The following FAM171A1 variants were observed in gnomAD, a reference collection of about 807,000 sequenced individuals.
FAM171A1 encodes the protein protein FAM171A1.
Under a neutral mutation model 74.9 loss-of-function variants are expected in FAM171A1, and 23 were observed. That is an observed-to-expected ratio of 0.31 (90% CI 0.22 to 0.44). FAM171A1 has a LOEUF of 0.44. Among genes scored for constraint, FAM171A1 ranks in the 20% least tolerant of loss-of-function variants. The pLI, the probability that FAM171A1 is intolerant of heterozygous loss-of-function variation, is 1.00. For synonymous variants in FAM171A1, 527 were observed against 505.7 expected (o/e 1.04, Z -0.57); for missense variants, 1,162 against 1,159.2 (o/e 1.00, Z -0.03).
At chr10:15,254,481 T>C (rs898142680) in intron 4 of FAM171A1, among the ~76,000 whole-genome samples, 2 of 152,228 alleles carry the variant, frequency 1.3e-5, no homozygotes, top group African/African-American at 4.8e-5. Flanking sequence ...GAGAAGGTGC[T>C]TAAGGCAACT....
In FAM171A1 at chr10:15,263,464, T is replaced by A. The variant is rs1029322250; in HGVS notation, c.419-8585A>T. 2.6e-5 allele frequency among the ~76,000 whole-genome samples: 4 copies of A among 152,252 alleles called. No homozygotes were observed. The South Asian group carries it at 8.3e-4, about 31-fold the overall frequency. ...AATTTACGAGTGTTCTCTCTTTCCA[T>A]ACTCTTATCATCTCACAGACAAGTT... On this transcript the variant is annotated intron_variant, in intron 3 of 7. Transcript: ENST00000378116.
chr10:15,227,678 C>A (rs1170514431), intron 5 of FAM171A1, among the ~76,000 whole-genome samples: 1 of 152,188 alleles, frequency 6.6e-6, no homozygotes, highest in Non-Finnish European at 1.5e-5. Flanking sequence ...ACCATGCCCA[C>A]CTTGAAGTAT....
At chr10:15,229,915 T>C (rs113498003) in intron 5 of FAM171A1, among the ~76,000 whole-genome samples, 5,395 of 67,936 alleles carry the variant, frequency 0.079, 402 homozygotes, top group Middle Eastern at 0.11. Context: ...ATCACCACCA[T>C]CACCAACATC....
upstream of FAM171A1, among the ~76,000 whole-genome samples, chr10:15,373,426 C>T (rs1452886391): frequency 6.6e-6 from 1 of 152,236 alleles, no homozygotes; most frequent in Non-Finnish European, 1.5e-5. Context: ...CATTAAACAA[C>T]TTGCCCACAA....
chr10:15,326,935 C>T (rs2131853968), intron 1 of FAM171A1, among the ~76,000 whole-genome samples: 1 of 152,282 alleles, frequency 6.6e-6, no homozygotes, highest in African/African-American at 2.4e-5. Flanking sequence ...GGCTACAATT[C>T]TTGTTTTTGT....
intron 7 of FAM171A1, 115 bp from the exon 8 acceptor site, chr10:15,214,716 C>A: frequency 7.2e-7 from 1 of 1,379,896 alleles, no homozygotes; most frequent in African/African-American, 1.5e-5. Context: ...CAAAACAAAA[C>A]AAGTCAGGAG....
chr10:15,272,539 G>A (rs1834840033), intron 3 of FAM171A1, among the ~76,000 whole-genome samples: 1 of 152,086 alleles, frequency 6.6e-6, no homozygotes, highest in Non-Finnish European at 1.5e-5. Context: ...GCACCAAGCA[G>A]ACCTAATAGA....
chr10:15,243,660 C>A (rs1834391345), intron 5 of FAM171A1, among the ~76,000 whole-genome samples: 1 of 152,104 alleles, frequency 6.6e-6, no homozygotes, highest in Non-Finnish European at 1.5e-5. Flanking sequence ...AAAAAATAAA[C>A]AGCAGGGATG....
At chr10:15,267,482 A>T (rs1199977840) in intron 3 of FAM171A1, among the ~76,000 whole-genome samples, 1 of 151,970 alleles carries the variant, frequency 6.6e-6, no homozygotes, top group African/African-American at 2.4e-5. Context: ...ACGTGTGTGT[A>T]GTCCCAGCTA....
chr10:15,293,987 G>A (rs1212702598), intron 1 of FAM171A1, among the ~76,000 whole-genome samples: 1 of 152,168 alleles, frequency 6.6e-6, no homozygotes, highest in Non-Finnish European at 1.5e-5. Context: ...GCTCATTCTG[G>A]TTGGCAGAAT....
chr10:15,330,947 T>C (rs1835623172), intron 1 of FAM171A1, among the ~76,000 whole-genome samples: 1 of 151,958 alleles, frequency 6.6e-6, no homozygotes, highest in Non-Finnish European at 1.5e-5. Flanking sequence ...TGGAGTGTAG[T>C]GGCATGATCT....
intron 1 of FAM171A1, among the ~76,000 whole-genome samples, chr10:15,331,880 C>T (rs7477447): frequency 0.79 from 43,058 of 54,270 alleles, 17,175 homozygotes; most frequent in East Asian, 0.94. Context: ...TGTGTGTATA[C>T]ATATATATAT....
chr10:15,223,085 G>T (rs1834060272), intron 5 of FAM171A1, among the ~76,000 whole-genome samples: 1 of 152,192 alleles, frequency 6.6e-6, no homozygotes, highest in Non-Finnish European at 1.5e-5. Flanking sequence ...CACGCCTATA[G>T]TCCCAGCACT....
At chr10:15,258,333 TC>T (rs1473622390) in intron 3 of FAM171A1, among the ~76,000 whole-genome samples, 1 of 80,090 alleles carries the variant, frequency 1.2e-5, no homozygotes, top group Admixed American at 1.0e-4. Flanking sequence ...CTCTCTGCTT[TC>T]AAAAATCTGT....
intron 1 of FAM171A1, among the ~76,000 whole-genome samples, chr10:15,336,479 C>T (rs1835701164): frequency 6.6e-6 from 1 of 152,110 alleles, no homozygotes; most frequent in Non-Finnish European, 1.5e-5. Context: ...CACACAGTAA[C>T]ATTTTCTCGG....
chr10:15,326,009 C>T (rs947637538), intron 1 of FAM171A1, among the ~76,000 whole-genome samples: 8 of 152,156 alleles, frequency 5.3e-5, no homozygotes, highest in African/African-American at 1.9e-4. Context: ...TTGTAAATAC[C>T]CCAAGGAGGT....
intron 5 of FAM171A1, among the ~76,000 whole-genome samples, chr10:15,233,020 G>A (rs553556075): frequency 5.3e-5 from 8 of 152,164 alleles, no homozygotes; most frequent in Non-Finnish European, 1.2e-4. Context: ...TCAGGCCAGG[G>A]GCAGTGGCTC....
At position 15,248,746 on chromosome 10, in the gene FAM171A1, G is replaced by T; in HGVS notation, c.647C>A (p.Thr216Lys). ...GATGGGACCATCCACCAGCACCGGC[G>T]TTCCATTACTGCTCAGCAAGTGGAC... Reference protein sequence around the residue: ...VSVHLLSSNGTPVLVDGPIYV... With the variant: ...VSVHLLSSNGKPVLVDGPIYV... The change falls in exon 5 of 8, where the codon ACG becomes AAG. Residue 216 changes from threonine to lysine, a missense_variant. Coordinates refer to ENST00000378116, the MANE Select transcript of FAM171A1 (RefSeq NM_001010924.2). 6.2e-7 allele frequency: 1 copy of T among 1,613,754 alleles called. No individual in the cohort carries two copies. The highest frequency in any genetic ancestry group is 8.5e-7 in the Non-Finnish European group (1 of 1,179,820).
chr10:15,328,081 A>G (rs1239840396), intron 1 of FAM171A1, among the ~76,000 whole-genome samples: 1 of 140,922 alleles, frequency 7.1e-6, no homozygotes, highest in East Asian at 2.3e-4. Context: ...CAGCCTTCAA[A>G]AAAACCCAAA....
Sources: allele counts gnomAD v4.1 joint callset (sites outside exome capture counted in the v4.1 genomes callset), GRCh38; gene constraint gnomAD v4.1.1; transcripts MANE v1.5; gene names NCBI Gene and HGNC (gene_info 2026-07-23, HGNC 2026-07-21).